SCRT1: variants seen among roughly 807,000 people sequenced by gnomAD.
SCRT1 encodes the protein scratch family transcriptional repressor 1.
Under a neutral mutation model 3.4 loss-of-function variants are expected in SCRT1, and 1 was observed. The observed-to-expected ratio is 0.29, with a 90% CI of 0.10 to 1.39. The LOEUF is 1.39. SCRT1 is among the 40% of genes most tolerant of loss of function. The pLI, the probability that SCRT1 is intolerant of heterozygous loss-of-function variation, is 0.42. For missense variants in SCRT1, 380 were observed against 526.3 expected, an observed-to-expected ratio of 0.72 and a Z score of 2.72; for synonymous variants, 238 against 247.0, an observed-to-expected ratio of 0.96 and a Z score of 0.34.
rs1312438107 is a variant in SCRT1, at chr8:144,336,293, G to A, written c.-124C>T. 2 of 658,078 alleles carry A rather than the reference G, an allele frequency of 3.0e-6. No individual in the cohort carries two copies. Among genetic ancestry groups the A allele is most frequent in the Non-Finnish European group, 5.1e-6 (2 of 390,966 alleles). The allele number at this position is 658,078 out of a possible 1,614,324, so 40.8% of individuals were successfully genotyped here. A position where few individuals can be genotyped will look rare whatever the true frequency, so the allele number is the denominator to read the frequency against. ...GCGCGGGTCCCCACTCTGGCCTTTG[G>A]ATGCTGCCGCGCGAGTGGTGTCCTC... On this transcript the variant is annotated 5_prime_UTR_variant, in exon 1 of 2. Coordinates refer to ENST00000569446, the MANE Select transcript of SCRT1 (RefSeq NM_031309.6). The surrounding 1 kb of genome is among the most constrained non-coding windows in gnomAD (Gnocchi z 6.8).
At position 144,333,256 on chromosome 8, in the gene SCRT1, C is replaced by A. The variant is rs782206675; in HGVS notation, c.976G>T (p.Ala326Ser). Residue 326 changes from alanine (A) to serine (S), a missense_variant, in exon 2 of 2, where the codon GCC (alanine) becomes TCC (serine). Physicochemically the swap from Ala to Ser is moderately conservative, Grantham distance 99. Coordinates refer to ENST00000569446, the MANE Select transcript of SCRT1 (RefSeq NM_031309.6). ...CCTCCGGCGCCGCCCTTGAAGCAGG[C>A]CGACTCGTAGTGCTTGTTGAGATAG... Reference protein sequence around the residue: ...KSYLNKHYESACFKGGAGGPA... With the variant: ...KSYLNKHYESSCFKGGAGGPA... The A allele has an allele frequency of 3.6e-5, 58 of 1,610,176 alleles. No individual in the cohort carries two copies. Among genetic ancestry groups the A allele is most frequent in the Non-Finnish European group, 4.7e-5 (56 of 1,178,992 alleles).
At position 144,332,630 on chromosome 8, in the gene SCRT1, G is replaced by T. The variant is rs1171235581; in HGVS notation, c.*555C>A. On this transcript the variant is annotated 3_prime_UTR_variant, in exon 2 of 2. Coordinates refer to ENST00000569446, the MANE Select transcript of SCRT1 (RefSeq NM_031309.6). ...GGTGCCGCCGTCCGCCCCTCTCCCC[G>T]ACCCACAACGCGTCTAACACTGCCG... 1 of 152,522 alleles carries T rather than the reference G, an allele frequency of 6.6e-6. No homozygotes were observed. Among genetic ancestry groups the T allele is most frequent in the Non-Finnish European group, 1.5e-5 (1 of 68,042 alleles). 9.4% of individuals were successfully genotyped at this position (152,522 alleles called of 1,614,324 possible). A position where few individuals can be genotyped will look rare whatever the true frequency, so the allele number is the denominator to read the frequency against.
Position 144,333,041 on chromosome 8 carries a change from G to A in SCRT1, c.*144C>T, listed in dbSNP as rs1554849771. 4.4e-6 allele frequency: 3 copies of A among 680,572 alleles called. No individual in the cohort carries two copies. The highest frequency in any genetic ancestry group is 1.9e-5 in the African/African-American group (1 of 52,352). The allele number at this position is 680,572 out of a possible 1,614,324, so 42.2% of individuals were successfully genotyped here. On this transcript the variant is annotated 3_prime_UTR_variant, in exon 2 of 2. Coordinates refer to ENST00000569446, the MANE Select transcript of SCRT1 (RefSeq NM_031309.6). ...GGGGCCGGCAAGGCCCCTGGCGGGC[G>A]GGGCGGGGTGGGACCGGGCCCCCCT...
intron 1 of SCRT1, among the ~76,000 whole-genome samples, chr8:144,334,334 C>T (rs1251213236): frequency 6.6e-6 from 1 of 151,916 alleles, no homozygotes; most frequent in Non-Finnish European, 1.5e-5. Flanking sequence ...GAGGATGAGA[C>T]AGGGCCGGGC....
rs538463564 is a variant in SCRT1, at chr8:144,331,010, C to T, written c.*2175G>A. 6.6e-6 allele frequency: 1 copy of T among 152,596 alleles called. No individual in the cohort carries two copies. Among genetic ancestry groups the T allele is most frequent in the Middle Eastern group, 3.4e-3 (1 of 296 alleles). The allele number at this position is 152,596 out of a possible 1,614,324, so 9.5% of individuals were successfully genotyped here. A position where few individuals can be genotyped will look rare whatever the true frequency, so the allele number is the denominator to read the frequency against. On this transcript the variant is annotated 3_prime_UTR_variant, in exon 2 of 2. Transcript: ENST00000569446. The stretch of plus-strand genomic sequence containing the variant: ...CGGGCCCACAGCCCTCCAGCTTTCT[C>T]CTTAGGTAGGTAGACAGGAGTATGG...
Position 144,333,674 on chromosome 8 carries a change from A to G in SCRT1, c.558T>C (p.Gly186=). ...CGCCGCACGCGTGCCGGCCGCCAGCACCTGCGGCCCCTGGCCCCGCGCGCG... is the reference window on the plus strand; with the variant it reads ...CGCCGCACGCGTGCCGGCCGCCAGCGCCTGCGGCCCCTGGCCCCGCGCGCG... The part of the protein sequence containing the change: ...TEARAGPGAA[G]AGGRHACGEC... The change falls in exon 2 of 2, where the codon GGT becomes GGC. Residue 186 remains glycine, a synonymous_variant. Transcript: ENST00000569446. 1 of 1,503,104 alleles carries G rather than the reference A, an allele frequency of 6.7e-7. No homozygotes were observed. Among genetic ancestry groups the G allele is most frequent in the Non-Finnish European group, 8.8e-7 (1 of 1,134,766 alleles). 93.1% of individuals were successfully genotyped at this position (1,503,104 alleles called of 1,614,324 possible).
rs1329352301 is a variant in SCRT1 at position 144,333,096 on chromosome 8, C to T, written c.*89G>A. On this transcript the variant is annotated 3_prime_UTR_variant, in exon 2 of 2. Coordinates refer to ENST00000569446, the MANE Select transcript of SCRT1 (RefSeq NM_031309.6). ...CTATTGCTGTGAGGAGGGGCCCGCC[C>T]TCCGGCCCCTCCACCCGGACGCCAG... The T allele has an allele frequency of 8.6e-7, 1 of 1,168,186 alleles. No homozygotes were observed. Among genetic ancestry groups the T allele is most frequent in the South Asian group, 1.7e-5 (1 of 60,446 alleles). 72.4% of individuals were successfully genotyped at this position (1,168,186 alleles called of 1,614,324 possible).
At position 144,333,379 on chromosome 8, in the gene SCRT1, A is replaced by C. The variant is rs1554849840; in HGVS notation, c.853T>G (p.Phe285Val). 1 of 1,610,122 alleles carries C rather than the reference A, an allele frequency of 6.2e-7. No homozygotes were observed. Among genetic ancestry groups the C allele is most frequent in the African/African-American group, 1.3e-5 (1 of 75,028 alleles). ...PFGCAHCGKA[F>V]ADRSNLRAHM... ...GCGCGCAGGTTGGAGCGGTCGGCGA[A>C]GGCCTTGCCGCAGTGCGCGCAGCCG... Residue 285 changes from phenylalanine (F) to valine (V), a missense_variant, in exon 2 of 2, where the codon TTC becomes GTC. By Grantham distance (50) the Phe-to-Val change is conservative. Around this residue, in one of 5 missense-constraint regions of SCRT1, gnomAD observed 56 missense variants for 169.3 expected, o/e 0.33. Transcript: ENST00000569446.
rs544319039 is a variant in SCRT1, at chr8:144,334,001, C to T, written c.231G>A (p.Leu77=). 7,842 of 1,454,890 alleles carry T rather than the reference C, an allele frequency of 5.4e-3. 24 individuals are homozygous for T. Among genetic ancestry groups the T allele is most frequent in the Non-Finnish European group, 6.5e-3 (7,220 of 1,104,502 alleles). 90.1% of individuals were successfully genotyped at this position (1,454,890 alleles called of 1,614,324 possible). The change falls in exon 2 of 2, where the codon CTG becomes CTA. Residue 77 remains leucine, a synonymous_variant. Transcript: ENST00000569446. ...GCGCAGACCCTGCAGCCGCCGGACC[C>T]AGCTCTCCACGCACAGCTGCTGCGT... ...PMYAAAVRGE[L]GPAAAGSAPP... is the part of the protein sequence containing the mutation.
In SCRT1 at chr8:144,333,551, G is replaced by A. The variant is rs1554849891; in HGVS notation, c.681C>T (p.Cys227=). Residue 227 remains cysteine (C), a synonymous_variant, in exon 2 of 2, where the codon TGC becomes TGT. Transcript: ENST00000569446. The stretch of plus-strand genomic sequence containing the variant: ...CCGGCATGGACACGTACACCTTGCC[G>A]CACGTCGGGCAGCGCCGCGCCAGCT... The part of the protein sequence containing the change: ...DSQLARRCPT[C]GKVYVSMPAM... 1.9e-6 allele frequency: 3 copies of A among 1,608,070 alleles called. No homozygotes were observed. Among genetic ancestry groups the A allele is most frequent in the Non-Finnish European group, 1.7e-6 (2 of 1,178,438 alleles).
rs530046999 is a variant in SCRT1, at chr8:144,330,729, A to G, written c.*2456T>C. On this transcript the variant is annotated 3_prime_UTR_variant, in exon 2 of 2. Transcript: ENST00000569446. ...ACGGCCCGAGTAAAAATCCCGGCCT[A>G]TTCCGGGTGGGAATATGTACAAGGC... is the stretch of plus-strand genomic sequence containing the variant. 19 of 118,406 alleles carry G rather than the reference A, an allele frequency of 1.6e-4. No homozygotes were observed. In the Admixed American group the frequency reaches 1.7e-3, roughly 11 times the overall value. The allele number at this position is 118,406 out of a possible 1,614,324, so 7.3% of individuals were successfully genotyped here. A position where few individuals can be genotyped will look rare whatever the true frequency, so the allele number is the denominator to read the frequency against.
Position 144,330,792 on chromosome 8 carries a change from C to A in SCRT1, c.*2393G>T, listed in dbSNP as rs1423079505. 12 of 151,934 alleles carry A rather than the reference C, an allele frequency of 7.9e-5. No homozygotes were observed. Among genetic ancestry groups the A allele is most frequent in the African/African-American group, 2.9e-4 (12 of 41,446 alleles). 9.4% of individuals were successfully genotyped at this position (151,934 alleles called of 1,614,324 possible). ...GCGGGGGTGGGGGCGGGCGGGCCGG[C>A]GGCCGCAGCCCCCACCCGAGGGCCC... On this transcript the variant is annotated 3_prime_UTR_variant, in exon 2 of 2. Transcript: ENST00000569446.
In SCRT1 at chr8:144,336,236, GC is replaced by G; in HGVS notation, c.-68del. On this transcript the variant is annotated 5_prime_UTR_variant, in exon 1 of 2. Coordinates refer to ENST00000569446, the MANE Select transcript of SCRT1 (RefSeq NM_031309.6). This position sits in a 1 kb window ranked among gnomAD's most constrained non-coding sequence, Gnocchi z 6.8. ...GGCTTGGGGGGGCTGCGGCGGCAGG[GC>G]CCCGTCACCATCCGAGGAGCGGCGG... 1.7e-6 allele frequency: 2 copies of G among 1,206,246 alleles called. No individual in the cohort carries two copies. Among genetic ancestry groups the G allele is most frequent in the East Asian group, 2.7e-5 (1 of 36,448 alleles). 74.7% of individuals were successfully genotyped at this position (1,206,246 alleles called of 1,614,324 possible). A position where few individuals can be genotyped will look rare whatever the true frequency, so the allele number is the denominator to read the frequency against.
In SCRT1 at chr8:144,333,158, G is replaced by A. The variant is rs1554849799; in HGVS notation, c.*27C>T. On this transcript the variant is annotated 3_prime_UTR_variant, in exon 2 of 2. Coordinates refer to ENST00000569446, the MANE Select transcript of SCRT1 (RefSeq NM_031309.6). ...CTGGGGGGCCGTATTGCTGAGAGCC[G>A]ACCTGGCTGGGGGAGGCCCCGCCGC... is the stretch of plus-strand genomic sequence containing the variant. 3 of 1,471,344 alleles carry A rather than the reference G, an allele frequency of 2.0e-6. No homozygotes were observed. Among genetic ancestry groups the A allele is most frequent in the Non-Finnish European group, 2.7e-6 (3 of 1,116,944 alleles). 91.1% of individuals were successfully genotyped at this position (1,471,344 alleles called of 1,614,324 possible).
chr8:144,335,229 G>A lies in SCRT1; in HGVS notation c.115+826C>T, dbSNP rs1442532214. On this transcript the variant is annotated intron_variant, in intron 1 of 1. Transcript: ENST00000569446. The surrounding 1 kb of genome is among the most constrained non-coding windows in gnomAD (Gnocchi z 7.7). ...CTCTCAAGTCACATGGTGCACAGCG[G>A]CCTCAGAGTCACATGGTCCCATGTA... 1.3e-5 allele frequency among the ~76,000 whole-genome samples: 2 copies of A among 152,068 alleles called. No individual in the cohort carries two copies. The highest frequency in any genetic ancestry group is 4.8e-5 in the African/African-American group (2 of 41,380).
At position 144,332,045 on chromosome 8, in the gene SCRT1, T is replaced by C. The variant is rs1359661214; in HGVS notation, c.*1140A>G. 1.4e-5 allele frequency: 2 copies of C among 143,760 alleles called. No homozygotes were observed. The highest frequency in any genetic ancestry group is 3.1e-5 in the Non-Finnish European group (2 of 65,358). 8.9% of individuals were successfully genotyped at this position (143,760 alleles called of 1,614,324 possible). A position where few individuals can be genotyped will look rare whatever the true frequency, so the allele number is the denominator to read the frequency against. ...CAACCGAGTGGGGGCGGGGCCTGGG[T>C]CTCAGGGGCGGGGCCTGGGTCTCAG... On this transcript the variant is annotated 3_prime_UTR_variant, in exon 2 of 2. Transcript: ENST00000569446.
In SCRT1 at chr8:144,333,768, G is replaced by T. The variant is rs1554849946; in HGVS notation, c.464C>A (p.Ala155Glu). The T allele has an allele frequency of 5.9e-6, 7 of 1,183,532 alleles. No homozygotes were observed. Among genetic ancestry groups the T allele is most frequent in the Admixed American group, 4.6e-5 (1 of 21,872 alleles). The allele number at this position is 1,183,532 out of a possible 1,614,324, so 73.3% of individuals were successfully genotyped here. A position where few individuals can be genotyped will look rare whatever the true frequency, so the allele number is the denominator to read the frequency against. ...CCCGGATCCCAAGCTGCGCCCGCCC[G>T]CCCCGCCCCCGCCTCCGGCGTCGCC... ...PDGDAGGGGG[A>E]GGRSLGSGPG... Residue 155 changes from alanine (A) to glutamate (E), a missense_variant, in exon 2 of 2, where the codon GCG (alanine) becomes GAG (glutamate). Around this residue, in one of 5 missense-constraint regions of SCRT1, gnomAD observed 115 missense variants for 107.3 expected, o/e 1.07. Coordinates refer to ENST00000569446, the MANE Select transcript of SCRT1 (RefSeq NM_031309.6).
In SCRT1 at chr8:144,333,016, G is replaced by A. The variant is rs1362234415; in HGVS notation, c.*169C>T. ...TCCCCTCGGGACCCTATTGCTTGAA[G>A]GGGCCGGCAAGGCCCCTGGCGGGCG... On this transcript the variant is annotated 3_prime_UTR_variant, in exon 2 of 2. Coordinates refer to ENST00000569446, the MANE Select transcript of SCRT1 (RefSeq NM_031309.6). 9 of 601,600 alleles carry A rather than the reference G, an allele frequency of 1.5e-5. No homozygotes were observed. Among genetic ancestry groups the A allele is most frequent in the African/African-American group, 5.9e-5 (3 of 50,864 alleles). 37.3% of individuals were successfully genotyped at this position (601,600 alleles called of 1,614,324 possible).
At position 144,335,154 on chromosome 8, in the gene SCRT1, C is replaced by T. The variant is rs1352253497; in HGVS notation, c.115+901G>A. 6.6e-6 allele frequency among the ~76,000 whole-genome samples: 1 copy of T among 152,240 alleles called. No homozygotes were observed. Among genetic ancestry groups the T allele is most frequent in the Non-Finnish European group, 1.5e-5 (1 of 68,046 alleles). Reference sequence around the variant, plus strand: ...GGGCTGCACACTGATGTGCCGAACTCACCACCTCCTCACTCACGCAGGGTC... The same window carrying T: ...GGGCTGCACACTGATGTGCCGAACTTACCACCTCCTCACTCACGCAGGGTC... On this transcript the variant is annotated intron_variant, in intron 1 of 1. Coordinates refer to ENST00000569446, the MANE Select transcript of SCRT1 (RefSeq NM_031309.6). The surrounding 1 kb of genome is among the most constrained non-coding windows in gnomAD (Gnocchi z 7.7).
Sources: gnomAD v4.1 joint callset for allele counts (sites outside exome capture counted in the v4.1 genomes callset) on GRCh38, gnomAD v4.1.1 for gene constraint, gnomAD v4.1.1 regional missense constraint, Gnocchi (gnomAD v3.1) non-coding constraint, MANE v1.5 for transcripts, NCBI Gene and HGNC (gene_info 2026-07-23, HGNC 2026-07-21) for gene names.